The following ALLC variants were observed in gnomAD, a reference collection of about 807,000 sequenced individuals.
ALLC encodes allantoicase.
ALLC carries 40 observed loss-of-function variants against 45.0 expected under a neutral mutation model. The observed-to-expected ratio is 0.89, with a 90% confidence interval of 0.69 to 1.16. ALLC has a LOEUF of 1.16. ALLC is among the 50% of genes most tolerant of loss of function. The pLI, the probability that ALLC is intolerant of heterozygous loss-of-function variation, is 0.00. For missense variants in ALLC, 488 were observed against 493.1 expected (o/e 0.99, Z 0.10); for synonymous variants, 176 against 178.1 (o/e 0.99, Z 0.09).
the ALLC span, among the ~76,000 whole-genome samples, chr2:3,651,301 TGGGTGGGTGGGTGGGGGG>T: frequency 1.3e-4 from 1 of 7,774 alleles, no homozygotes; most frequent in African/African-American, 3.9e-4. Flanking sequence ...TCTTTTTGGG[TGGGTGGGTGGGTGGGGGG>T]GGTGTGTGTG....
intron 2 of ALLC, among the ~76,000 whole-genome samples, chr2:3,671,726 G>T: frequency 6.7e-6 from 1 of 149,400 alleles, no homozygotes; most frequent in South Asian, 2.1e-4. Context: ...TCTGGCTCTG[G>T]TTAGATGGGA....
chr2:3,689,908 A>G (rs13008071), intron 7 of ALLC, among the ~76,000 whole-genome samples: 1,547 of 147,608 alleles, frequency 0.01, 80 homozygotes, highest in Non-Finnish European at 0.016. Flanking sequence ...ACACATAGAT[A>G]TTCATAATTG....
At chr2:3,694,509 T>A (rs1667605888) in intron 7 of ALLC, 1 of 152,334 alleles carries the variant, frequency 6.6e-6, no homozygotes, top group East Asian at 1.9e-4. Context: ...GGATATTAAC[T>A]CTGTAAAGAA....
intron 6 of ALLC, 68 bp from the exon 7 acceptor site, chr2:3,682,874 G>A (rs1296189170): frequency 5.2e-6 from 8 of 1,530,458 alleles, no homozygotes; most frequent in Non-Finnish European, 6.3e-6. Flanking sequence ...AAGTGCCACA[G>A]AGGCAATAGG....
chr2:3,693,917 G>A (rs999353536), intron 7 of ALLC, among the ~76,000 whole-genome samples: 2 of 152,300 alleles, frequency 1.3e-5, no homozygotes, highest in Non-Finnish European at 2.9e-5. Context: ...GAACCCGGGA[G>A]GCGGAGGTTG....
chr2:3,647,194 T>C, the ALLC span, among the ~76,000 whole-genome samples: 1 of 152,138 alleles, frequency 6.6e-6, no homozygotes, highest in Non-Finnish European at 1.5e-5. Context: ...ATTGGTAATA[T>C]GTTCAACGCG....
intron 3 of ALLC, among the ~76,000 whole-genome samples, chr2:3,675,900 G>A (rs1389816383): frequency 4.6e-5 from 7 of 152,198 alleles, no homozygotes; most frequent in African/African-American, 7.2e-5. Flanking sequence ...GTCTGAGACC[G>A]AGCCTGAGAC....
upstream of ALLC, among the ~76,000 whole-genome samples, chr2:3,653,426 C>T (rs1198198106): frequency 1.3e-5 from 2 of 152,172 alleles, no homozygotes; most frequent in Admixed American, 6.5e-5. The surrounding 1 kb of genome is among the most constrained non-coding windows in gnomAD (Gnocchi z 4.1). Flanking sequence ...TCCAGGTGAC[C>T]GGCAAGGACT....
At chr2:3,682,668 G>A (rs1055060646) in intron 6 of ALLC, among the ~76,000 whole-genome samples, 2 of 152,132 alleles carry the variant, frequency 1.3e-5, no homozygotes, top group African/African-American at 4.8e-5. Flanking sequence ...TGGGACTACA[G>A]GCGCCCGCCA....
At chr2:3,663,261 G>T (rs1484289376) in intron 1 of ALLC, among the ~76,000 whole-genome samples, 2 of 152,216 alleles carry the variant, frequency 1.3e-5, no homozygotes, top group Non-Finnish European at 2.9e-5. Context: ...ATGAGATCAT[G>T]TCCTTTGTAG....
chr2:3,681,973 A>G (rs1039730192), intron 6 of ALLC, among the ~76,000 whole-genome samples: 1 of 152,224 alleles, frequency 6.6e-6, no homozygotes. Flanking sequence ...CGATAAGCAC[A>G]CATACAGAAA....
intron 4 of ALLC, among the ~76,000 whole-genome samples, chr2:3,679,036 T>C (rs1329253596): frequency 2.0e-5 from 3 of 152,222 alleles, no homozygotes; most frequent in Admixed American, 6.5e-5. Context: ...TTTACGATTT[T>C]ATGCAATTTT....
At chr2:3,683,196 A>G in intron 7 of ALLC, 122 bp downstream of exon 7, 1 of 1,131,722 alleles carries the variant, frequency 8.8e-7, no homozygotes, top group Non-Finnish European at 1.2e-6. Context: ...GCATTTCAGG[A>G]TTGTAATTTC....
At chr2:3,694,974 G>A (rs1359065427) in intron 7 of ALLC, 1 of 152,188 alleles carries the variant, frequency 6.6e-6, no homozygotes, top group Non-Finnish European at 1.5e-5. Context: ...TCAGGCTGCT[G>A]TGGTTCTCAG....
intron 10 of ALLC, among the ~76,000 whole-genome samples, chr2:3,698,469 T>A (rs1474526005): frequency 6.6e-6 from 1 of 152,030 alleles, no homozygotes; most frequent in African/African-American, 2.4e-5. Flanking sequence ...GGAAGGGGAG[T>A]GACCATTTCT....
At position 3,695,841 on chromosome 2, in the gene ALLC, T is replaced by C. The variant is rs933334155; in HGVS notation, c.636T>C (p.Asn212=). The change falls in exon 8 of 12, where the codon AAT becomes AAC. Residue 212 remains asparagine, a synonymous_variant. Coordinates refer to ENST00000252505, the MANE Select transcript of ALLC (RefSeq NM_018436.4). The part of the protein sequence containing the change: ...AFGGVCVGFS[N]AKFGHPNNII... ...GGGGTGTCTGTGTAGGATTTAGTAA[T>C]GCTAAGTTTGGGCACCCAAACAATA... is the stretch of plus-strand genomic sequence containing the variant. 2 of 1,611,918 alleles carry C rather than the reference T, an allele frequency of 1.2e-6. No homozygotes were observed. The highest frequency in any genetic ancestry group is 8.5e-7 in the Non-Finnish European group (1 of 1,179,308).
intron 1 of ALLC, 59 bp from the exon 2 acceptor site, chr2:3,671,037 C>A: frequency 3.1e-6 from 3 of 963,706 alleles, no homozygotes; most frequent in South Asian, 1.4e-5. Flanking sequence ...GGAGCCTAGA[C>A]GGGGCCTCAC....
At chr2:3,649,246 T>C in the ALLC span, among the ~76,000 whole-genome samples, 2 of 150,720 alleles carry the variant, frequency 1.3e-5, no homozygotes, top group South Asian at 2.1e-4. Context: ...AACACTTCTT[T>C]TTTTTTTTTT....
At chr2:3,652,580 ATTTTTTT>A in the ALLC span, among the ~76,000 whole-genome samples, 459 of 93,356 alleles carry the variant, frequency 4.9e-3, 5 homozygotes, top group Middle Eastern at 0.068. Context: ...AAACTTTGTG[ATTTTTTT>A]TTTTTTTTTT....
Sources: gnomAD v4.1 joint callset for allele counts (sites outside exome capture counted in the v4.1 genomes callset) on GRCh38, gnomAD v4.1.1 for gene constraint, Gnocchi (gnomAD v3.1) non-coding constraint, MANE v1.5 for transcripts, NCBI Gene and HGNC (gene_info 2026-07-23, HGNC 2026-07-21) for gene names.